Variants in SLC25A10 observed in about 807,000 individuals in gnomAD.
SLC25A10 encodes the protein mitochondrial dicarboxylate carrier.
Under a neutral mutation model 40.4 loss-of-function variants are expected in SLC25A10, and 32 were observed. The observed-to-expected ratio is 0.79, with a 90% confidence interval of 0.60 to 1.06. The LOEUF is 1.06. Ranked by LOEUF, SLC25A10 falls within the 50% of genes least tolerant of loss-of-function variation. The pLI, the probability that SLC25A10 is intolerant of heterozygous loss-of-function variation, is 0.00. For synonymous variants in SLC25A10, 181 were observed against 171.1 expected (o/e 1.06, Z -0.45); for missense variants, 394 against 402.6 (o/e 0.98, Z 0.18).
chr17:81,719,505 C>G (rs1009420507), intron 9 of SLC25A10, among the ~76,000 whole-genome samples: 1 of 152,230 alleles, frequency 6.6e-6, no homozygotes, highest in Non-Finnish European at 1.5e-5. Flanking sequence ...AGCTCTGTCC[C>G]TTTTCTTCTC....
intron 8 of SLC25A10, 116 bp downstream of exon 8, chr17:81,717,607 C>T: frequency 7.4e-7 from 1 of 1,348,830 alleles, no homozygotes. Context: ...GGCAGTGCCC[C>T]CTGGGGCTCA....
At chr17:81,719,910 G>A (rs781232235) in intron 10 of SLC25A10, 23 bp downstream of exon 10, 17 of 1,613,614 alleles carry the variant, frequency 1.1e-5, no homozygotes, top group Non-Finnish European at 1.4e-5. Context: ...CGGCAGTGGC[G>A]GCTTGGGCAA....
rs556577200 is a variant in SLC25A10, at chr17:81,715,606, C to T, written c.328+14C>T. 60 of 1,508,062 alleles carry T rather than the reference C, an allele frequency of 4.0e-5. 1 individual carries two copies. The highest frequency in any genetic ancestry group is 4.9e-5 in the Non-Finnish European group (53 of 1,091,880). 93.4% of individuals were successfully genotyped at this position (1,508,062 alleles called of 1,614,324 possible). A position where few individuals can be genotyped will look rare whatever the true frequency, so the allele number is the denominator to read the frequency against. ...GCTCCGTCAGCGGTGAGCTGCCGGG[C>T]GGGAGGGGGAGGGGCGCGGGGTGGT... On this transcript the variant is annotated intron_variant, in intron 3 of 10. Coordinates refer to ENST00000350690, the MANE Select transcript of SLC25A10 (RefSeq NM_012140.5).
chr17:81,714,845 C>T (rs1054659258), intron 1 of SLC25A10, 108 bp from the exon 2 acceptor site: 107 of 1,462,598 alleles, frequency 7.3e-5, no homozygotes, highest in Non-Finnish European at 9.2e-5. Context: ...CGGGCAGGGC[C>T]GTGGGAGGCC....
At chr17:81,716,292 G>A (rs143624537) in intron 5 of SLC25A10, among the ~76,000 whole-genome samples, 4 of 152,304 alleles carry the variant, frequency 2.6e-5, no homozygotes, top group African/African-American at 9.6e-5. Flanking sequence ...TTGCACCCCA[G>A]GGTGGTGAGT....
Position 81,720,739 on chromosome 17 carries a change from A to T in SLC25A10, c.*662A>T. On this transcript the variant is annotated 3_prime_UTR_variant, in exon 11 of 11. Coordinates refer to ENST00000350690, the MANE Select transcript of SLC25A10 (RefSeq NM_012140.5). ...CTGCCTGCCCTGCAGTGGCTTTAAC[A>T]GTTAGTTTTGCCAAAGCCTCTCCAC... is the stretch of plus-strand genomic sequence containing the variant. 1 of 381,602 alleles carries T rather than the reference A, an allele frequency of 2.6e-6. No homozygotes were observed. Among genetic ancestry groups the T allele is most frequent in the Non-Finnish European group, 4.6e-6 (1 of 216,260 alleles). The allele number at this position is 381,602 out of a possible 1,614,324, so 23.6% of individuals were successfully genotyped here. A position where few individuals can be genotyped will look rare whatever the true frequency, so the allele number is the denominator to read the frequency against.
rs372422204 is a variant in SLC25A10, at chr17:81,714,622, T to C, written c.94-331T>C. Among the ~76,000 whole-genome samples the C allele has an allele frequency of 2.5e-4, 38 of 152,218 alleles. No individual in the cohort carries two copies. The East Asian group carries it at 6.8e-3, about 27-fold the overall frequency. ...GGGTCTCCTCGCTGGGCCCAAATCCTGATGGCACCAGCGGGTGCGTTACCT... is the reference window on the plus strand; with the variant it reads ...GGGTCTCCTCGCTGGGCCCAAATCCCGATGGCACCAGCGGGTGCGTTACCT... On this transcript the variant is annotated intron_variant, in intron 1 of 10. Transcript: ENST00000350690.
At chr17:81,716,758 G>C in intron 5 of SLC25A10, 54 bp from the exon 6 acceptor site, 1 of 1,568,380 alleles carries the variant, frequency 6.4e-7, no homozygotes, top group Non-Finnish European at 8.7e-7. Flanking sequence ...AGGACCCTCT[G>C]TGGGAGCCGG....
chr17:81,718,346 G>C (rs1361217545), intron 9 of SLC25A10, among the ~76,000 whole-genome samples: 1 of 152,068 alleles, frequency 6.6e-6, no homozygotes, highest in Non-Finnish European at 1.5e-5. Flanking sequence ...TTGGCTGGGT[G>C]TGGTGGCGTG....
In SLC25A10 at chr17:81,719,968, C is replaced by G. The variant is rs772395170; in HGVS notation, c.763-8C>G. The G allele has an allele frequency of 6.2e-7, 1 of 1,613,804 alleles. No homozygotes were observed. Among genetic ancestry groups the G allele is most frequent in the East Asian group, 2.2e-5 (1 of 44,886 alleles). On this transcript the variant is annotated splice_polypyrimidine_tract_variant and splice_region_variant and intron_variant, in intron 10 of 10. Transcript: ENST00000350690. ...TCTGTGTCTCTCATTTTCCCTGTCTCCCTCCAGGGCCTCGTCCCAGCTGGC... is the reference window on the plus strand; with the variant it reads ...TCTGTGTCTCTCATTTTCCCTGTCTGCCTCCAGGGCCTCGTCCCAGCTGGC...
Position 81,715,043 on chromosome 17 carries a change from A to G in SLC25A10, c.184A>G (p.Ser62Gly), listed in dbSNP as rs774563258. ...VRTDGILALY[S>G]GLSASLCRQM... The stretch of plus-strand genomic sequence containing the variant: ...TACCGACGGCATCCTGGCACTCTAC[A>G]GCGGCCTGAGCGCCTCGCTGTGCAG... The change falls in exon 2 of 11, where the codon AGC (serine) becomes GGC (glycine). Residue 62 changes from serine (S) to glycine (G), a missense_variant. By Grantham distance (56) the Ser-to-Gly change is moderately conservative. Coordinates refer to ENST00000350690, the MANE Select transcript of SLC25A10 (RefSeq NM_012140.5). 5.6e-6 allele frequency: 9 copies of G among 1,610,078 alleles called. No homozygotes were observed. Among genetic ancestry groups the G allele is most frequent in the South Asian group, 1.1e-5 (1 of 91,002 alleles).
intron 6 of SLC25A10, 60 bp from the exon 7 acceptor site, chr17:81,716,942 G>A (rs2037499260): frequency 1.5e-6 from 2 of 1,356,892 alleles, no homozygotes; most frequent in East Asian, 2.3e-5. Context: ...TGAGGGATTT[G>A]GGCCAGGTGC....
intron 8 of SLC25A10, 97 bp from the exon 9 acceptor site, chr17:81,717,687 G>C: frequency 6.9e-7 from 1 of 1,445,068 alleles, no homozygotes; most frequent in Non-Finnish European, 9.5e-7. Context: ...TTCCTGGCCC[G>C]CCCTAGGAGT....
chr17:81,712,504 G>A lies in SLC25A10; in HGVS notation c.78G>A (p.Pro26=), dbSNP rs896469298. Residue 26 remains proline (P), a synonymous_variant, in exon 1 of 11, where the codon CCG becomes CCA. Transcript: ENST00000350690. ...ASCGAACCTH[P]LDLLKVHLQT... ...GCGGGGCCGCCTGCTGCACGCACCCGCTGGACCTGCTCAAGGTGAGGCCGG... is the reference window on the plus strand; with the variant it reads ...GCGGGGCCGCCTGCTGCACGCACCCACTGGACCTGCTCAAGGTGAGGCCGG... 2 of 1,288,080 alleles carry A rather than the reference G, an allele frequency of 1.6e-6. No individual in the cohort carries two copies. Among genetic ancestry groups the A allele is most frequent in the Non-Finnish European group, 2.0e-6 (2 of 1,020,120 alleles). The allele number at this position is 1,288,080 out of a possible 1,614,324, so 79.8% of individuals were successfully genotyped here.
Position 81,715,496 on chromosome 17 carries a change from C to T in SLC25A10, c.232C>T (p.Arg78Trp), listed in dbSNP as rs753624769. ...LCRQMTYSLTRFAIYETVRDR... is the reference protein window; with the variant it reads ...LCRQMTYSLTWFAIYETVRDR... ...CCCCCAGATGACCTACTCCCTGACTCGGTTCGCCATCTACGAGACTGTGCG... is the reference window on the plus strand; with the variant it reads ...CCCCCAGATGACCTACTCCCTGACTTGGTTCGCCATCTACGAGACTGTGCG... The change falls in exon 3 of 11, where the codon CGG (arginine) becomes TGG (tryptophan). Residue 78 changes from arginine (R) to tryptophan (W), a missense_variant. Transcript: ENST00000350690. 1.1e-5 allele frequency: 18 copies of T among 1,612,714 alleles called. No homozygotes were observed. Among genetic ancestry groups the T allele is most frequent in the South Asian group, 2.2e-5 (2 of 91,080 alleles).
intron 9 of SLC25A10, among the ~76,000 whole-genome samples, chr17:81,718,654 A>G (rs1402625466): frequency 1.3e-5 from 2 of 148,462 alleles, no homozygotes; most frequent in East Asian, 4.2e-4. Context: ...GACTGTCTTA[A>G]AACATTTCTT....
At chr17:81,717,644 C>G in intron 8 of SLC25A10, 140 bp from the exon 9 acceptor site, 4 of 1,284,288 alleles carry the variant, frequency 3.1e-6, no homozygotes, top group Non-Finnish European at 4.4e-6. Flanking sequence ...GCTTTGGGAG[C>G]TCATGGGTCA....
chr17:81,712,550 TG>T, intron 1 of SLC25A10, 31 bp downstream of exon 1: 1 of 1,219,776 alleles, frequency 8.2e-7, no homozygotes, highest in Non-Finnish European at 1.0e-6. Flanking sequence ...GCGGGGCGGA[TG>T]GGACCCTGGC....
intron 6 of SLC25A10, 38 bp from the exon 7 acceptor site, chr17:81,716,964 C>G (rs767135871): frequency 4.1e-6 from 6 of 1,450,844 alleles, no homozygotes; most frequent in Non-Finnish European, 5.8e-6. Context: ...TGGCCTCACC[C>G]CTTGCCTCAC....
Sources: allele counts gnomAD v4.1 joint callset (sites outside exome capture counted in the v4.1 genomes callset), GRCh38; gene constraint gnomAD v4.1.1; transcripts MANE v1.5; gene names NCBI Gene and HGNC (gene_info 2026-07-23, HGNC 2026-07-21).